SLCO5A1: variants seen among roughly 807,000 people sequenced by gnomAD.
SLCO5A1 encodes organic anion transporter polypeptide-related protein 4.
Under a neutral mutation model 65.1 loss-of-function variants are expected in SLCO5A1, and 39 were observed. The ratio of observed to expected loss-of-function variants is 0.60; its 90% CI spans 0.46 to 0.78. The LOEUF (loss-of-function observed/expected upper bound fraction) is 0.78. SLCO5A1 is among the 30% of genes least tolerant of loss of function. The pLI, the probability that SLCO5A1 is intolerant of heterozygous loss-of-function variation, is 0.00. For missense variants in SLCO5A1, 1,029 were observed against 1,069.4 expected (o/e 0.96, Z 0.53); for synonymous variants, 438 against 415.7 (o/e 1.05, Z -0.65).
intron 5 of SLCO5A1, among the ~76,000 whole-genome samples, chr8:69,721,664 T>G (rs1402705309): frequency 1.3e-5 from 2 of 152,060 alleles, no homozygotes; most frequent in African/African-American, 4.8e-5. Context: ...TCAGTTTTAT[T>G]CTAAAAATGA....
chr8:69,676,394 C>G (rs1813550729), intron 9 of SLCO5A1, among the ~76,000 whole-genome samples: 1 of 152,180 alleles, frequency 6.6e-6, no homozygotes, highest in Admixed American at 6.5e-5. Flanking sequence ...GAAAAAGAAA[C>G]TAACCTAACG....
intron 2 of SLCO5A1, among the ~76,000 whole-genome samples, chr8:69,815,968 T>A (rs1820390284): frequency 6.6e-6 from 1 of 152,120 alleles, no homozygotes; most frequent in Non-Finnish European, 1.5e-5. Context: ...CTACTTCCTA[T>A]CCCTTGCTTG....
At chr8:69,715,804 T>G (rs898493471) in intron 5 of SLCO5A1, among the ~76,000 whole-genome samples, 4 of 152,218 alleles carry the variant, frequency 2.6e-5, no homozygotes, top group African/African-American at 9.7e-5. Flanking sequence ...TGTTTCTTTT[T>G]TTTAATTGAC....
chr8:69,772,231 T>C (rs1818348210), intron 2 of SLCO5A1, among the ~76,000 whole-genome samples: 1 of 152,170 alleles, frequency 6.6e-6, no homozygotes, highest in African/African-American at 2.4e-5. Flanking sequence ...TGGAAATCTA[T>C]GCCCCTGAAT....
At chr8:69,717,527 T>C (rs995724755) in intron 5 of SLCO5A1, among the ~76,000 whole-genome samples, 155 of 152,328 alleles carry the variant, frequency 1.0e-3, no homozygotes, top group African/African-American at 3.6e-3. Flanking sequence ...AAATTAGGAA[T>C]TATGAGTCCT....
intron 5 of SLCO5A1, among the ~76,000 whole-genome samples, chr8:69,711,382 C>A (rs543531018): frequency 6.6e-6 from 1 of 152,294 alleles, no homozygotes; most frequent in Non-Finnish European, 1.5e-5. Flanking sequence ...TCGGAGGGAC[C>A]CCCGAGTTCC....
intron 5 of SLCO5A1, among the ~76,000 whole-genome samples, chr8:69,718,231 A>G (rs1815648170): frequency 6.6e-6 from 1 of 152,172 alleles, no homozygotes; most frequent in Non-Finnish European, 1.5e-5. Context: ...TTGTATATTG[A>G]TCTTGTAAGA....
chr8:69,831,870 A>G lies in SLCO5A1; in HGVS notation c.804T>C (p.Ile268=). The G allele has an allele frequency of 1.2e-6, 2 of 1,613,730 alleles. No homozygotes were observed. Among genetic ancestry groups the G allele is most frequent in the South Asian group, 2.2e-5 (2 of 90,966 alleles). ...NNHWVYVALF[I]CAQILIGMGS... is the part of the protein sequence containing the mutation. The stretch of plus-strand genomic sequence containing the variant: ...CCATTCCAATGAGAATCTGCGCGCA[A>G]ATGAATAAAGCCACGTAGACCCAGT... The change falls in exon 2 of 10, where the codon ATT becomes ATC. Residue 268 remains isoleucine, a synonymous_variant. Transcript: ENST00000260126.
chr8:69,790,593 T>C (rs1819223903), intron 2 of SLCO5A1, among the ~76,000 whole-genome samples: 2 of 152,092 alleles, frequency 1.3e-5, no homozygotes, highest in Admixed American at 6.6e-5. Context: ...TGAGCTATGC[T>C]TGTGCCTGTG....
intron 2 of SLCO5A1, among the ~76,000 whole-genome samples, chr8:69,762,894 C>T (rs1336985946): frequency 1.3e-5 from 2 of 152,220 alleles, no homozygotes; most frequent in African/African-American, 2.4e-5. Flanking sequence ...ATGGAAAGCA[C>T]CAACCACAGA....
At chr8:69,769,541 G>A (rs982595269) in intron 2 of SLCO5A1, among the ~76,000 whole-genome samples, 27 of 152,276 alleles carry the variant, frequency 1.8e-4, no homozygotes, top group African/African-American at 6.3e-4. Context: ...GAAATATTAA[G>A]TTGGATTTTT....
At chr8:69,768,786 G>C (rs553491023) in intron 2 of SLCO5A1, among the ~76,000 whole-genome samples, 5 of 152,096 alleles carry the variant, frequency 3.3e-5, no homozygotes, top group South Asian at 2.1e-4. Flanking sequence ...GGGGGTCAAG[G>C]CTTCAACATA....
chr8:69,781,519 C>G (rs1818791049), intron 2 of SLCO5A1, among the ~76,000 whole-genome samples: 1 of 152,174 alleles, frequency 6.6e-6, no homozygotes, highest in African/African-American at 2.4e-5. Flanking sequence ...AGAACTGTTA[C>G]TATAAGATAA....
At chr8:69,733,405 GA>G (rs1816421059) in intron 5 of SLCO5A1, among the ~76,000 whole-genome samples, 1 of 152,184 alleles carries the variant, frequency 6.6e-6, no homozygotes, top group Non-Finnish European at 1.5e-5. Context: ...TCAAGTTACA[GA>G]TAAACTCCAG....
intron 4 of SLCO5A1, among the ~76,000 whole-genome samples, chr8:69,743,093 C>G (rs1237587496): frequency 6.6e-6 from 1 of 152,132 alleles, no homozygotes; most frequent in Non-Finnish European, 1.5e-5. Context: ...AGCCACTGTG[C>G]TTGGCTGTGA....
chr8:69,694,942 C>T (rs1404303822), intron 6 of SLCO5A1, among the ~76,000 whole-genome samples: 2 of 152,110 alleles, frequency 1.3e-5, no homozygotes, highest in Non-Finnish European at 2.9e-5. Flanking sequence ...TGTAAATTTC[C>T]GTCGAGTTCA....
chr8:69,792,863 G>T (rs1206412683), intron 2 of SLCO5A1, among the ~76,000 whole-genome samples: 1 of 152,140 alleles, frequency 6.6e-6, no homozygotes, highest in Non-Finnish European at 1.5e-5. Flanking sequence ...AGGACTTAAT[G>T]TAGTGAGTGG....
chr8:69,709,036 A>T (rs981536818), intron 5 of SLCO5A1, among the ~76,000 whole-genome samples: 1 of 152,242 alleles, frequency 6.6e-6, no homozygotes, highest in Non-Finnish European at 1.5e-5. Flanking sequence ...GACCTCTGAC[A>T]AGAGCAATTT....
At chr8:69,785,437 T>C (rs988799226) in intron 2 of SLCO5A1, among the ~76,000 whole-genome samples, 2 of 152,210 alleles carry the variant, frequency 1.3e-5, no homozygotes, top group African/African-American at 4.8e-5. Flanking sequence ...AGTTATTCTA[T>C]GATAAATGCC....
Sources: allele counts gnomAD v4.1 joint callset (sites outside exome capture counted in the v4.1 genomes callset), GRCh38; gene constraint gnomAD v4.1.1; transcripts MANE v1.5; gene names NCBI Gene and HGNC (gene_info 2026-07-23, HGNC 2026-07-21).